SPICE1: variants seen among roughly 807,000 people sequenced by gnomAD.
SPICE1 encodes spindle and centriole-associated protein 1.
Under a neutral mutation model 102.7 loss-of-function variants are expected in SPICE1, and 75 were observed. That is an observed-to-expected ratio of 0.73 (90% confidence interval 0.61 to 0.88). SPICE1 has a LOEUF of 0.88. SPICE1 is among the 40% of genes least tolerant of loss of function. The probability of loss-of-function intolerance (pLI) is 0.00; values close to 1 mark genes in which losing one functional copy is unlikely to be tolerated. For missense variants in SPICE1, 979 were observed against 1,020.1 expected (o/e 0.96, Z 0.55); for synonymous variants, 308 against 350.3 (o/e 0.88, Z 1.35).
chr3:113,493,801 C>T (rs1313392768), intron 5 of SPICE1, among the ~76,000 whole-genome samples: 1 of 152,164 alleles, frequency 6.6e-6, no homozygotes, highest in Non-Finnish European at 1.5e-5. Context: ...GTACTTTACA[C>T]CATATTTTAG....
chr3:113,499,358 A>G, intron 4 of SPICE1, 81 bp downstream of exon 4: 1 of 1,439,578 alleles, frequency 6.9e-7, no homozygotes, highest in Non-Finnish European at 9.3e-7. Flanking sequence ...AGTCTCTCCA[A>G]CGTGAATCAA....
At chr3:113,449,647 T>C (rs2107441753) in intron 15 of SPICE1, 1 of 152,346 alleles carries the variant, frequency 6.6e-6, no homozygotes, top group East Asian at 1.9e-4. Flanking sequence ...CAAACACCAA[T>C]GTTTGAACAT....
intron 7 of SPICE1, among the ~76,000 whole-genome samples, chr3:113,481,532 A>G (rs1487129483): frequency 1.3e-5 from 2 of 151,890 alleles, no homozygotes; most frequent in Admixed American, 6.6e-5. Flanking sequence ...TGTCACCTAC[A>G]TTAGGTATTT....
At chr3:113,463,695 T>G (rs745446317) in intron 11 of SPICE1, among the ~76,000 whole-genome samples, 3 of 152,210 alleles carry the variant, frequency 2.0e-5, no homozygotes, top group Non-Finnish European at 4.4e-5. Context: ...ATATCTATAT[T>G]AGGCAAATAC....
chr3:113,475,932 C>A (rs1936334284), intron 7 of SPICE1, among the ~76,000 whole-genome samples: 2 of 151,998 alleles, frequency 1.3e-5, no homozygotes, highest in African/African-American at 4.8e-5. Flanking sequence ...AAGTTCTGGC[C>A]AGGGCAATTA....
At chr3:113,473,975 A>G (rs969514495) in intron 7 of SPICE1, among the ~76,000 whole-genome samples, 1 of 152,204 alleles carries the variant, frequency 6.6e-6, no homozygotes, top group African/African-American at 2.4e-5. Context: ...TGCTCCAATT[A>G]AAAGGCACAG....
intron 7 of SPICE1, among the ~76,000 whole-genome samples, chr3:113,478,658 G>C (rs935316184): frequency 6.6e-6 from 1 of 152,060 alleles, no homozygotes; most frequent in African/African-American, 2.4e-5. Context: ...ACTAGTAGTA[G>C]GAGACTTTAA....
rs961428855 is a variant in SPICE1 at position 113,457,317 on chromosome 3, C to G, written c.1476G>C (p.Met492Ile). Reference protein sequence around the residue: ...VVNANVSVPLMFREEVAEFPQ... With the variant: ...VVNANVSVPLIFREEVAEFPQ... ...GGAATTCAGCCACTTCCTCTCTGAA[C>G]ATCAATGGCACTGAGACATTGGCAT... Residue 492 changes from methionine (M) to isoleucine (I), a missense_variant, in exon 13 of 18, where the codon ATG (methionine) becomes ATC (isoleucine). Coordinates refer to ENST00000295872, the MANE Select transcript of SPICE1 (RefSeq NM_144718.4). 2 of 1,614,208 alleles carry G rather than the reference C, an allele frequency of 1.2e-6. No individual in the cohort carries two copies. Among genetic ancestry groups the G allele is most frequent in the African/African-American group, 2.7e-5 (2 of 75,056 alleles).
chr3:113,506,076 C>T (rs779784986), intron 2 of SPICE1, among the ~76,000 whole-genome samples: 21 of 152,096 alleles, frequency 1.4e-4, no homozygotes, highest in Non-Finnish European at 1.5e-5. Flanking sequence ...GAGCAAAGGT[C>T]ACCTATTTTT....
At chr3:113,457,054 T>C in intron 13 of SPICE1, 82 bp downstream of exon 13, 1 of 1,373,032 alleles carries the variant, frequency 7.3e-7, no homozygotes, top group African/African-American at 1.5e-5. Flanking sequence ...CAATTCTGTT[T>C]TTCATGTAAT....
intron 7 of SPICE1, among the ~76,000 whole-genome samples, chr3:113,474,764 G>GA (rs1936296349): frequency 6.6e-6 from 1 of 152,076 alleles, no homozygotes; most frequent in Non-Finnish European, 1.5e-5. Flanking sequence ...CAACATACCA[G>GA]AATCTCTGGG....
intron 10 of SPICE1, among the ~76,000 whole-genome samples, chr3:113,466,608 CA>C (rs540786121): frequency 0.026 from 2,649 of 101,418 alleles, 49 homozygotes; most frequent in African/African-American, 0.069. Context: ...GACTCTGTCT[CA>C]AAAAAAAAAA....
intron 3 of SPICE1, among the ~76,000 whole-genome samples, chr3:113,502,090 T>C (rs1937018886): frequency 6.6e-6 from 1 of 152,204 alleles, no homozygotes; most frequent in African/African-American, 2.4e-5. Flanking sequence ...AAAGAACTAC[T>C]ATGAGCTGGG....
intron 1 of SPICE1, among the ~76,000 whole-genome samples, chr3:113,513,643 C>T (rs1937261890): frequency 6.6e-6 from 1 of 152,174 alleles, no homozygotes; most frequent in Non-Finnish European, 1.5e-5. Context: ...AGCATCACCT[C>T]TGTTCCTTAT....
chr3:113,468,011 CTG>C (rs3839082), intron 10 of SPICE1, 126 bp downstream of exon 10: 49,332 of 1,207,232 alleles, frequency 0.041, 1,191 homozygotes, highest in East Asian at 0.11. Flanking sequence ...TAATCTAAAA[CTG>C]AGGTATTTTA....
At chr3:113,445,543 T>A (rs571839940) in intron 17 of SPICE1, among the ~76,000 whole-genome samples, 183 bp from the exon 18 acceptor site, 4 of 152,314 alleles carry the variant, frequency 2.6e-5, no homozygotes, top group East Asian at 1.9e-4. Flanking sequence ...AAATAACTGA[T>A]TACTTGGTCA....
chr3:113,495,475 T>G (rs1176077214), intron 4 of SPICE1, among the ~76,000 whole-genome samples: 1 of 152,228 alleles, frequency 6.6e-6, no homozygotes, highest in African/African-American at 2.4e-5. Context: ...CCTGAATTTA[T>G]TCCTTCTACA....
chr3:113,460,794 A>G, intron 11 of SPICE1, 30 bp from the exon 12 acceptor site: 2 of 1,552,782 alleles, frequency 1.3e-6, no homozygotes, highest in Non-Finnish European at 8.7e-7. Context: ...AAATAATATT[A>G]TTAGCATATC....
At chr3:113,485,376 G>A (rs1324976872) in intron 7 of SPICE1, among the ~76,000 whole-genome samples, 5 of 152,216 alleles carry the variant, frequency 3.3e-5, no homozygotes, top group African/African-American at 1.2e-4. Context: ...ATCAACCTGG[G>A]ACGCTCGAGC....
Sources: allele counts gnomAD v4.1 joint callset (sites outside exome capture counted in the v4.1 genomes callset), GRCh38; gene constraint gnomAD v4.1.1; transcripts MANE v1.5; gene names NCBI Gene and HGNC (gene_info 2026-07-23, HGNC 2026-07-21).